The following NBPF15 variants were observed in gnomAD, a reference collection of about 807,000 sequenced individuals.
NBPF15 encodes the protein NBPF family member NBPF15.
NBPF15 carries 74 observed loss-of-function variants against 62.2 expected under a neutral mutation model. The ratio of observed to expected loss-of-function variants is 1.19; its 90% CI spans 0.99 to 1.44. NBPF15 has a LOEUF of 1.44. Among genes scored for constraint, NBPF15 ranks in the 40% most tolerant of loss-of-function variants. NBPF15 has a pLI of 0.00. For missense variants in NBPF15, 790 were observed against 550.0 expected (o/e 1.44, Z -4.36); for synonymous variants, 244 against 209.7 (o/e 1.16, Z -1.41).
At chr1:144,447,863 G>A (rs1287014003) in intron 6 of NBPF15, among the ~76,000 whole-genome samples, 1 of 152,020 alleles carries the variant, frequency 6.6e-6, no homozygotes, top group Non-Finnish European at 1.5e-5. Flanking sequence ...GCTCAATTAT[G>A]GGTTGAAGAG....
intron 6 of NBPF15, among the ~76,000 whole-genome samples, chr1:144,442,344 A>ATG (rs1393184887): frequency 1.5e-5 from 2 of 133,426 alleles, no homozygotes; most frequent in African/African-American, 5.7e-5. Flanking sequence ...TGTGCCATGT[A>ATG]TATATATATA....
At chr1:144,453,638 CAAAA>C (rs200525708) in intron 4 of NBPF15, among the ~76,000 whole-genome samples, 18 of 36,398 alleles carry the variant, frequency 4.9e-4, no homozygotes, top group African/African-American at 1.2e-3. Flanking sequence ...CAACACAAAG[CAAAA>C]AAAAAAAAAA....
At position 144,439,198 on chromosome 1, in the gene NBPF15, G is replaced by A. The variant is rs1463372917; in HGVS notation, c.175+631C>T. Among the ~76,000 whole-genome samples the A allele has an allele frequency of 9.2e-5, 14 of 151,698 alleles. No individual in the cohort carries two copies. The East Asian group carries it at 1.8e-3, about 19-fold the overall frequency. ...GGGGTTTCTCCATGTTGCCCAGGCT[G>A]GTCTCAAACTCCTGACCTCATGATC... is the stretch of plus-strand genomic sequence containing the variant. On this transcript the variant is annotated intron_variant, in intron 8 of 21. Coordinates refer to ENST00000581897, the MANE Select transcript of NBPF15 (RefSeq NM_001385408.1).
intron 3 of NBPF15, among the ~76,000 whole-genome samples, 193 bp downstream of exon 3, chr1:144,459,173 T>G (rs1281842781): frequency 6.6e-6 from 1 of 151,960 alleles, no homozygotes; most frequent in African/African-American, 2.4e-5. Flanking sequence ...AGGAAAAGAT[T>G]GATAAAGTAT....
chr1:144,449,512 T>A (rs1341894740), intron 5 of NBPF15, among the ~76,000 whole-genome samples: 1 of 151,446 alleles, frequency 6.6e-6, no homozygotes, highest in African/African-American at 2.4e-5. Flanking sequence ...AGGAACAAAC[T>A]TTTGACACAC....
At chr1:144,455,988 C>T (rs1165422465) in intron 4 of NBPF15, among the ~76,000 whole-genome samples, 1 of 152,004 alleles carries the variant, frequency 6.6e-6, no homozygotes, top group African/African-American at 2.4e-5. Flanking sequence ...ATGGGAACGG[C>T]CTTCAAAAGT....
chr1:144,430,510 CAGAA>C (rs1673385022), intron 13 of NBPF15, among the ~76,000 whole-genome samples: 1 of 147,364 alleles, frequency 6.8e-6, no homozygotes, highest in Admixed American at 6.8e-5. Context: ...AACTAACACA[CAGAA>C]AGGAATAGCA....
In NBPF15 at chr1:144,438,016, A is replaced by G. The variant is rs1553541675; in HGVS notation, c.207T>C (p.Phe69=). Residue 69 remains phenylalanine (F), a synonymous_variant, in exon 9 of 22, where the codon TTT becomes TTC. Transcript: ENST00000581897. ...TGAACTGTCGCTCATTCCTCAGCAT[A>G]AATTTTATGAGATCTTTGCACTCTT... is the stretch of plus-strand genomic sequence containing the variant. ...KYEECKDLIK[F]MLRNERQFKE... 3 of 1,611,684 alleles carry G rather than the reference A, an allele frequency of 1.9e-6. No individual in the cohort carries two copies. The highest frequency in any genetic ancestry group is 1.1e-5 in the South Asian group (1 of 90,976).
At chr1:144,455,938 G>A (rs587635402) in intron 4 of NBPF15, among the ~76,000 whole-genome samples, 123 of 152,154 alleles carry the variant, frequency 8.1e-4, no homozygotes, top group Non-Finnish European at 1.0e-3. Flanking sequence ...TTCCACTGTG[G>A]CCCATAAATT....
intron 2 of NBPF15, among the ~76,000 whole-genome samples, chr1:144,460,027 T>TG (rs1651464235): frequency 2.7e-5 from 1 of 36,372 alleles, no homozygotes; most frequent in East Asian, 5.3e-4. Context: ...TTACCTGTAC[T>TG]TTTTTTTTTT....
chr1:144,429,448 T>A (rs1246281895), intron 14 of NBPF15, among the ~76,000 whole-genome samples: 1 of 150,976 alleles, frequency 6.6e-6, no homozygotes, highest in East Asian at 1.9e-4. Context: ...CTGCCTTGAG[T>A]TCAATGTCGT....
chr1:144,447,385 T>C lies in NBPF15; in HGVS notation c.-191+1390A>G, dbSNP rs1428239890. 1.2e-4 allele frequency among the ~76,000 whole-genome samples: 18 copies of C among 151,094 alleles called. No homozygotes were observed. In the South Asian group the frequency reaches 3.2e-3, roughly 27 times the overall value. On this transcript the variant is annotated intron_variant, in intron 6 of 21. Transcript: ENST00000581897. ...TGTGGAAGAGTGGCCACTGAAGTAATAGACAGATGCAGCTATTGCCAGATA... is the reference window on the plus strand; with the variant it reads ...TGTGGAAGAGTGGCCACTGAAGTAACAGACAGATGCAGCTATTGCCAGATA...
At chr1:144,426,143 C>G (rs1669442428) in intron 18 of NBPF15, 135 bp downstream of exon 18, 2 of 653,786 alleles carry the variant, frequency 3.1e-6, no homozygotes, top group Non-Finnish European at 5.4e-6. Flanking sequence ...AGTTTCATTA[C>G]AACCTTTATG....
At chr1:144,457,696 T>C (rs1309167799) in intron 3 of NBPF15, among the ~76,000 whole-genome samples, 2 of 151,992 alleles carry the variant, frequency 1.3e-5, no homozygotes, top group Admixed American at 6.6e-5. Context: ...ATTGAACACA[T>C]ACAAAATAAT....
At chr1:144,438,399 G>T (rs1416481322) in intron 8 of NBPF15, among the ~76,000 whole-genome samples, 17 of 152,088 alleles carry the variant, frequency 1.1e-4, no homozygotes, top group African/African-American at 3.9e-4. Context: ...ACTGGGGCAT[G>T]AAGTAGTGAT....
In NBPF15 at chr1:144,440,199, A is replaced by C; in HGVS notation, c.-94T>G. On this transcript the variant is annotated 5_prime_UTR_variant, in exon 7 of 22. Transcript: ENST00000581897. ...TTTAGGATCCTTCACCACAAAAACAAGGTTCGAGGTGCCTCAACTCAGAGC... is the reference window on the plus strand; with the variant it reads ...TTTAGGATCCTTCACCACAAAAACACGGTTCGAGGTGCCTCAACTCAGAGC... 1 of 1,528,922 alleles carries C rather than the reference A, an allele frequency of 6.5e-7. No individual in the cohort carries two copies. Among genetic ancestry groups the C allele is most frequent in the Non-Finnish European group, 8.8e-7 (1 of 1,134,316 alleles). The allele number at this position is 1,528,922 out of a possible 1,614,324, so 94.7% of individuals were successfully genotyped here. A position where few individuals can be genotyped will look rare whatever the true frequency, so the allele number is the denominator to read the frequency against.
chr1:144,444,331 A>T (rs1685713383), intron 6 of NBPF15, among the ~76,000 whole-genome samples: 1 of 151,282 alleles, frequency 6.6e-6, no homozygotes, highest in Non-Finnish European at 1.5e-5. Flanking sequence ...AAGCCCACCA[A>T]GAGTTTTGCC....
intron 10 of NBPF15, among the ~76,000 whole-genome samples, chr1:144,436,212 T>G: frequency 6.6e-6 from 1 of 152,092 alleles, no homozygotes; most frequent in Non-Finnish European, 1.5e-5. Flanking sequence ...ATTTCAAACC[T>G]AATTCTTTCT....
chr1:144,446,137 G>A (rs587684561), intron 6 of NBPF15, among the ~76,000 whole-genome samples: 35 of 151,914 alleles, frequency 2.3e-4, no homozygotes, highest in Non-Finnish European at 4.4e-4. Context: ...ACAGGTGTGA[G>A]CCACGGTGCC....
Sources: allele counts gnomAD v4.1 joint callset (sites outside exome capture counted in the v4.1 genomes callset), GRCh38; gene constraint gnomAD v4.1.1; transcripts MANE v1.5; gene names NCBI Gene and HGNC (gene_info 2026-07-23, HGNC 2026-07-21).